KCNIP1: variants seen among roughly 807,000 people sequenced by gnomAD.
The protein encoded by KCNIP1 is potassium voltage-gated channel interacting protein 1, also known as A-type potassium channel modulatory protein KCNIP1.
KCNIP1 carries 18 observed loss-of-function variants against 33.0 expected under a neutral mutation model. The observed-to-expected ratio is 0.55, with a 90% confidence interval of 0.38 to 0.81. KCNIP1 has a LOEUF of 0.81. Ranked by LOEUF, KCNIP1 falls within the 30% of genes least tolerant of loss-of-function variation. The pLI is 0.00. For missense variants in KCNIP1, 238 were observed against 271.6 expected, an observed-to-expected ratio of 0.88 and a Z score of 0.87; for synonymous variants, 93 against 98.3, an observed-to-expected ratio of 0.95 and a Z score of 0.32.
chr5:170,633,480 T>G (rs1760143167), intron 1 of KCNIP1, among the ~76,000 whole-genome samples: 1 of 149,704 alleles, frequency 6.7e-6, no homozygotes, highest in Non-Finnish European at 1.5e-5. Context: ...GGAAGAAGAA[T>G]CAGCCAGTGC....
intron 1 of KCNIP1, among the ~76,000 whole-genome samples, chr5:170,423,400 A>G (rs1755540286): frequency 6.6e-6 from 1 of 152,090 alleles, no homozygotes; most frequent in African/African-American, 2.4e-5. Context: ...AACATCACCA[A>G]CACAATAAAA....
In KCNIP1 at chr5:170,706,276, C is replaced by T. The variant is rs892613328; in HGVS notation, c.62-12482C>T. 1.4e-4 allele frequency among the ~76,000 whole-genome samples: 22 copies of T among 152,288 alleles called. No homozygotes were observed. The South Asian group carries it at 1.5e-3, about 10-fold the overall frequency. Reference sequence around the variant, plus strand: ...GAAACTGGTTTTGGAGTCTTTAGCACGCTTGTTTGGGACAGTTAAACATGT... The same window carrying T: ...GAAACTGGTTTTGGAGTCTTTAGCATGCTTGTTTGGGACAGTTAAACATGT... On this transcript the variant is annotated intron_variant, in intron 1 of 7. Coordinates refer to ENST00000328939, the MANE Select transcript of KCNIP1 (RefSeq NM_014592.4).
In KCNIP1 at chr5:170,439,971, C is replaced by T. The variant is rs527516804; in HGVS notation, c.88+86007C>T. On this transcript the variant is annotated intron_variant, in intron 1 of 7. Coordinates refer to the KCNIP1 transcript ENST00000377360. ...CTGAGTTCTGTCTTCCCCAAACTCA[C>T]GTGCTGAAGGCAGGACCTTGCAATG... Among the ~76,000 whole-genome samples the T allele has an allele frequency of 7.2e-5, 11 of 152,324 alleles. No individual in the cohort carries two copies. The South Asian group carries it at 1.9e-3, about 26-fold the overall frequency.
At position 170,735,782 on chromosome 5, in the gene KCNIP1, C is replaced by G; in HGVS notation, c.627C>G (p.Leu209=). ...AGGACGACAACATCATGAGGTCTCT[C>G]CAGCTGTTTCAAAATGTCATGTAAC... ...CQEDDNIMRS[L]QLFQNVM is the part of the protein sequence containing the mutation. The change falls in exon 8 of 8, where the codon CTC becomes CTG. Residue 209 remains leucine, a synonymous_variant. Coordinates refer to ENST00000328939, the MANE Select transcript of KCNIP1 (RefSeq NM_014592.4). 4.3e-6 allele frequency: 7 copies of G among 1,614,066 alleles called. No homozygotes were observed. The highest frequency in any genetic ancestry group is 5.9e-6 in the Non-Finnish European group (7 of 1,179,996).
intron 1 of KCNIP1, chr5:170,561,052 CCTGG>C (rs1335566368): frequency 1.1e-5 from 5 of 454,376 alleles, no homozygotes; most frequent in Admixed American, 9.4e-5. Flanking sequence ...AGCCCAGCCT[CCTGG>C]CTGGTGCGTG....
chr5:170,561,608 T>C (rs772055188), intron 1 of KCNIP1, among the ~76,000 whole-genome samples: 2 of 152,244 alleles, frequency 1.3e-5, no homozygotes, highest in Non-Finnish European at 2.9e-5. Flanking sequence ...TCTGCCTCTG[T>C]GGTTGATCAC....
intron 2 of KCNIP1, 121 bp downstream of exon 2, chr5:170,719,003 C>A: frequency 1.5e-6 from 2 of 1,299,098 alleles, no homozygotes; most frequent in Non-Finnish European, 2.1e-6. Context: ...GGAAGGCCAG[C>A]TCTATAAAGG....
At chr5:170,651,520 C>T (rs1303189005) in intron 1 of KCNIP1, among the ~76,000 whole-genome samples, 1 of 152,124 alleles carries the variant, frequency 6.6e-6, no homozygotes, top group Non-Finnish European at 1.5e-5. Flanking sequence ...GTCCCCTGGG[C>T]GTCTCCTTAG....
intron 1 of KCNIP1, among the ~76,000 whole-genome samples, chr5:170,428,428 T>C (rs1408058468): frequency 6.6e-6 from 1 of 151,974 alleles, no homozygotes; most frequent in Non-Finnish European, 1.5e-5. Context: ...TGCTGTCTTT[T>C]TTTTTTTTTA....
chr5:170,445,638 G>C (rs1756095240), intron 1 of KCNIP1, among the ~76,000 whole-genome samples: 1 of 152,174 alleles, frequency 6.6e-6, no homozygotes, highest in African/African-American at 2.4e-5. Flanking sequence ...GAACCTGAAT[G>C]CTCGCTGAGG....
intron 1 of KCNIP1, among the ~76,000 whole-genome samples, chr5:170,373,496 C>A (rs1389568326): frequency 6.6e-6 from 1 of 152,178 alleles, no homozygotes; most frequent in East Asian, 1.9e-4. Flanking sequence ...TAACAGTTAC[C>A]ATTTTAGAGA....
intron 1 of KCNIP1, among the ~76,000 whole-genome samples, chr5:170,603,008 A>G (rs1262118989): frequency 6.6e-6 from 1 of 152,204 alleles, no homozygotes; most frequent in Admixed American, 6.5e-5. Flanking sequence ...GGTGCCCCCA[A>G]CATGGCTAGC....
At chr5:170,496,011 C>T (rs900603745) in intron 1 of KCNIP1, among the ~76,000 whole-genome samples, 35 of 152,308 alleles carry the variant, frequency 2.3e-4, no homozygotes, top group African/African-American at 8.2e-4. Flanking sequence ...GCGGGCCGTG[C>T]AGGGTCAGGG....
At chr5:170,499,212 C>A (rs1757366240), upstream of KCNIP1, among the ~76,000 whole-genome samples, 1 of 152,118 alleles carries the variant, frequency 6.6e-6, no homozygotes, top group Non-Finnish European at 1.5e-5. Context: ...CTTTTAATAC[C>A]AGATGGGGAC....
intron 1 of KCNIP1, among the ~76,000 whole-genome samples, chr5:170,655,939 T>C (rs1021287396): frequency 6.6e-6 from 1 of 152,146 alleles, no homozygotes; most frequent in South Asian, 2.1e-4. Context: ...CCAACAGCCC[T>C]GGAAAGGCCT....
intron 1 of KCNIP1, among the ~76,000 whole-genome samples, chr5:170,493,242 T>A (rs147911664): frequency 1.3e-5 from 2 of 152,354 alleles, no homozygotes; most frequent in Non-Finnish European, 2.9e-5. Flanking sequence ...ACTCAGGGCT[T>A]TGTGTGGCTC....
intron 1 of KCNIP1, among the ~76,000 whole-genome samples, chr5:170,464,226 A>G (rs1479904534): frequency 6.6e-6 from 1 of 152,222 alleles, no homozygotes; most frequent in African/African-American, 2.4e-5. Flanking sequence ...AATATTATAA[A>G]GTGATTTACA....
At chr5:170,665,827 A>G (rs557825352) in intron 1 of KCNIP1, among the ~76,000 whole-genome samples, 2 of 152,294 alleles carry the variant, frequency 1.3e-5, no homozygotes, top group Admixed American at 6.5e-5. Flanking sequence ...ATGTCCCTCA[A>G]CTGGGTCTTA....
chr5:170,455,544 T>C (rs928483719), intron 1 of KCNIP1, among the ~76,000 whole-genome samples: 1 of 152,196 alleles, frequency 6.6e-6, no homozygotes, highest in African/African-American at 2.4e-5. Context: ...TTCTGTAGAA[T>C]AGACCATATG....
Sources: allele counts gnomAD v4.1 joint callset (sites outside exome capture counted in the v4.1 genomes callset), GRCh38; gene constraint gnomAD v4.1.1; transcripts MANE v1.5; gene names NCBI Gene and HGNC (gene_info 2026-07-23, HGNC 2026-07-21).